The following ERAP1 variants were observed in gnomAD, a reference collection of about 807,000 sequenced individuals.
The protein encoded by ERAP1 is adipocyte-derived leucine aminopeptidase.
A neutral mutation model predicts 103.7 loss-of-function variants in ERAP1; 86 were observed. That is an observed-to-expected ratio of 0.83 (90% CI 0.70 to 0.99). The LOEUF (loss-of-function observed/expected upper bound fraction) is 0.99, where lower values mean the gene tolerates loss of function less well. ERAP1 is among the 50% of genes least tolerant of loss of function. The pLI is 0.00. For synonymous variants in ERAP1, 398 were observed against 402.4 expected (o/e 0.99, Z 0.13); for missense variants, 1,009 against 1,128.4 (o/e 0.89, Z 1.52).
chr5:96,901,450 T>C, the ERAP1 span: 1 of 1,560,722 alleles, frequency 6.4e-7, no homozygotes, highest in Non-Finnish European at 8.8e-7. Flanking sequence ...TTTCTGTCCC[T>C]CTGTCTTTGG....
rs770671238 is a variant in ERAP1, at chr5:96,797,175, C to T, written c.798G>A (p.Lys266=). The T allele has an allele frequency of 6.2e-7, 1 of 1,614,104 alleles. No homozygotes were observed. Among genetic ancestry groups the T allele is most frequent in the South Asian group, 1.1e-5 (1 of 91,078 alleles). Residue 266 remains lysine (K), a splice_region_variant and synonymous_variant, in exon 4 of 19, where the codon AAG becomes AAA. Transcript: ENST00000443439. ...SVSKITKSGV[K]VSVYAVPDKI... ...CCATATGTGACAGTCATAGGCTCACCTTGACTCCACTCTTGGTTATCTTGC... is the reference window on the plus strand; with the variant it reads ...CCATATGTGACAGTCATAGGCTCACTTTGACTCCACTCTTGGTTATCTTGC...
chr5:96,884,714 C>T, the ERAP1 span, among the ~76,000 whole-genome samples: 4 of 151,890 alleles, frequency 2.6e-5, no homozygotes, highest in East Asian at 1.9e-4. Flanking sequence ...CCCACCACTA[C>T]ACCTGACTAA....
the ERAP1 span, chr5:96,903,648 T>G: frequency 8.2e-7 from 1 of 1,218,898 alleles, no homozygotes; most frequent in Non-Finnish European, 1.1e-6. Context: ...TCAACATTGG[T>G]CATTGATTTA....
At chr5:96,855,078 A>G in the ERAP1 span, among the ~76,000 whole-genome samples, 4 of 152,338 alleles carry the variant, frequency 2.6e-5, no homozygotes, top group Admixed American at 2.0e-4. Context: ...TTTTTTCTCT[A>G]TTAGTAAGAA....
the ERAP1 span, chr5:96,892,313 C>A: frequency 6.2e-7 from 1 of 1,613,778 alleles, no homozygotes; most frequent in Non-Finnish European, 8.5e-7. Flanking sequence ...AATTGCTATT[C>A]CTGACTTTGC....
At chr5:96,887,092 T>TA in the ERAP1 span, among the ~76,000 whole-genome samples, 1 of 99,142 alleles carries the variant, frequency 1.0e-5, no homozygotes, top group East Asian at 3.4e-4. Flanking sequence ...TATATATATA[T>TA]ATATATATAC....
intron 16 of ERAP1, 44 bp downstream of exon 16, chr5:96,781,649 T>C (rs1366797350): frequency 6.2e-7 from 1 of 1,613,056 alleles, no homozygotes; most frequent in Non-Finnish European, 8.5e-7. Flanking sequence ...TAATCTAATC[T>C]AATTTCCCTT....
At chr5:96,933,035 A>T in the ERAP1 span, among the ~76,000 whole-genome samples, 11 of 152,170 alleles carry the variant, frequency 7.2e-5, no homozygotes, top group African/African-American at 2.7e-4. Context: ...TAAAAACATA[A>T]TGGGTTTTGG....
the ERAP1 span, among the ~76,000 whole-genome samples, chr5:96,923,040 C>A: frequency 6.6e-6 from 1 of 152,112 alleles, no homozygotes. Context: ...GTGTCACGAT[C>A]GTAGCTCACT....
chr5:96,790,360 G>A lies in ERAP1; in HGVS notation c.1460C>T (p.Pro487Leu). 6.2e-7 allele frequency: 1 copy of A among 1,614,022 alleles called. No individual in the cohort carries two copies. Among genetic ancestry groups the A allele is most frequent in the South Asian group, 1.1e-5 (1 of 91,082 alleles). The change falls in exon 10 of 19, where the codon CCT (proline) becomes CTT (leucine). Residue 487 changes from proline (P) to leucine (L), a missense_variant. By Grantham distance (98) the Pro-to-Leu change is moderately conservative. Around this residue, in one of 3 missense-constraint regions of ERAP1, gnomAD observed 611 missense variants for 651.7 expected, o/e 0.94. Coordinates refer to ENST00000443439, the MANE Select transcript of ERAP1 (RefSeq NM_001040458.3). ...DLWDSMASIC[P>L]TDGVKGMDGF... ...ATCCATCCCTTTTACACCATCTGTA[G>A]GGCAAATCTAAAAACCAAAAATAAA...
the ERAP1 span, chr5:96,917,592 T>C: frequency 1.9e-6 from 3 of 1,612,938 alleles, no homozygotes; most frequent in Middle Eastern, 1.7e-4. Context: ...ACTTGGCTAA[T>C]GGTTAATACT....
chr5:96,868,106 A>C, the ERAP1 span, among the ~76,000 whole-genome samples: 3 of 152,182 alleles, frequency 2.0e-5, no homozygotes, highest in South Asian at 2.1e-4. Flanking sequence ...AACAAACAAA[A>C]AAACTCTATT....
At chr5:96,763,207 G>T (rs777876466) in exon 20 of ERAP1, 2 of 780,768 alleles carry the variant, frequency 2.6e-6, no homozygotes, top group South Asian at 1.3e-5. Flanking sequence ...TTTTCATCCT[G>T]TTGCGTCAGC....
downstream of ERAP1, chr5:96,772,105 G>A (rs367559234): frequency 3.2e-4 from 50 of 155,262 alleles, no homozygotes; most frequent in Non-Finnish European, 6.1e-4. Flanking sequence ...ACATGGTGGG[G>A]TGGGGAGAAG....
the ERAP1 span, among the ~76,000 whole-genome samples, chr5:96,863,705 T>A: frequency 6.6e-6 from 1 of 152,178 alleles, no homozygotes; most frequent in Non-Finnish European, 1.5e-5. Flanking sequence ...ACATTTTTGT[T>A]CACATTTCTA....
At chr5:96,934,721 A>C in the ERAP1 span, 1 of 152,306 alleles carries the variant, frequency 6.6e-6, no homozygotes, top group African/African-American at 2.4e-5. Flanking sequence ...TCCCTGTTTG[A>C]GCAGGCTGTT....
At chr5:96,924,779 G>A in the ERAP1 span, among the ~76,000 whole-genome samples, 1 of 152,016 alleles carries the variant, frequency 6.6e-6, no homozygotes, top group Admixed American at 6.5e-5. Flanking sequence ...TGTATTTTTA[G>A]TAGCGACGGG....
the ERAP1 span, among the ~76,000 whole-genome samples, chr5:96,900,846 T>A: frequency 6.6e-6 from 1 of 151,972 alleles, no homozygotes; most frequent in African/African-American, 2.4e-5. Flanking sequence ...CCGGCTAATT[T>A]TTTTGTATTT....
the ERAP1 span, among the ~76,000 whole-genome samples, chr5:96,821,955 G>A: frequency 6.6e-6 from 1 of 152,176 alleles, no homozygotes; most frequent in Admixed American, 6.5e-5. Flanking sequence ...GCTGGTGTGG[G>A]TATACTCATG....
Sources: gnomAD v4.1 joint callset for allele counts (sites outside exome capture counted in the v4.1 genomes callset) on GRCh38, gnomAD v4.1.1 for gene constraint, gnomAD v4.1.1 regional missense constraint, MANE v1.5 for transcripts, NCBI Gene and HGNC (gene_info 2026-07-23, HGNC 2026-07-21) for gene names.